Variants in CSMD3 observed in about 807,000 individuals in gnomAD.
CSMD3 encodes CUB and sushi domain-containing protein 3.
Under a neutral mutation model 435.2 loss-of-function variants are expected in CSMD3, and 177 were observed. The ratio of observed to expected loss-of-function variants is 0.41; its 90% confidence interval spans 0.36 to 0.46. The LOEUF is 0.46. Ranked by LOEUF, CSMD3 falls within the 20% of genes least tolerant of loss-of-function variation. CSMD3 has a pLI of 0.34. For missense variants in CSMD3, 4,265 were observed against 4,504.6 expected (o/e 0.95, Z 1.52); for synonymous variants, 1,656 against 1,520.5 (o/e 1.09, Z -2.07).
At chr8:113,226,332 A>C (rs10107307) in intron 3 of CSMD3, among the ~76,000 whole-genome samples, 3,573 of 151,636 alleles carry the variant, frequency 0.024, 154 homozygotes, top group African/African-American at 0.082. Flanking sequence ...CAAATATTAA[A>C]ATCTGCTATG....
intron 63 of CSMD3, among the ~76,000 whole-genome samples, chr8:112,250,333 A>C (rs1815149781): frequency 6.6e-6 from 1 of 151,824 alleles, no homozygotes; most frequent in Admixed American, 6.6e-5. Context: ...GTGTATCACC[A>C]ACACATCTAA....
At position 112,736,201 on chromosome 8, in the gene CSMD3, TA is replaced by T. The variant is rs368780298; in HGVS notation, c.1973-46152del. On this transcript the variant is annotated intron_variant, in intron 13 of 70. Coordinates refer to ENST00000297405, the MANE Select transcript of CSMD3 (RefSeq NM_198123.2). The stretch of plus-strand genomic sequence containing the variant: ...TTCCTTGTCATTGATGGACTTTCAT[TA>T]GGCCCTCAAGTTTCCCCCGTGTATT... 5.2e-3 allele frequency among the ~76,000 whole-genome samples: 789 copies of T among 152,192 alleles called. 8 individuals are homozygous for T. Among genetic ancestry groups the T allele is most frequent in the African/African-American group, 0.017 (708 of 41,558 alleles).
intron 7 of CSMD3, among the ~76,000 whole-genome samples, chr8:112,963,789 A>C (rs1326420964): frequency 6.6e-6 from 1 of 151,990 alleles, no homozygotes; most frequent in Non-Finnish European, 1.5e-5. Flanking sequence ...ACTTTTGTAT[A>C]ACTTATACAT....
intron 63 of CSMD3, among the ~76,000 whole-genome samples, 187 bp from the exon 64 acceptor site, chr8:112,247,318 T>A (rs1257864491): frequency 6.6e-6 from 1 of 152,168 alleles, no homozygotes; most frequent in African/African-American, 2.4e-5. Context: ...AATCCTGGCT[T>A]TATTTGTTTA....
intron 5 of CSMD3, among the ~76,000 whole-genome samples, chr8:113,085,942 A>T (rs2089751532): frequency 6.6e-6 from 1 of 152,174 alleles, no homozygotes; most frequent in Non-Finnish European, 1.5e-5. Flanking sequence ...TGTTCCCAAT[A>T]AAAAGAGCCA....
intron 1 of CSMD3, among the ~76,000 whole-genome samples, chr8:113,400,898 A>C (rs1383571657): frequency 2.0e-5 from 3 of 151,822 alleles, no homozygotes; most frequent in Admixed American, 6.6e-5. Context: ...TATAATTATT[A>C]AGTTTGATTG....
At chr8:112,470,922 A>G (rs1191277371) in intron 32 of CSMD3, among the ~76,000 whole-genome samples, 1 of 151,854 alleles carries the variant, frequency 6.6e-6, no homozygotes, top group Non-Finnish European at 1.5e-5. Flanking sequence ...CATTTAAAAA[A>G]AACAGTTTTA....
intron 1 of CSMD3, among the ~76,000 whole-genome samples, chr8:113,338,754 T>C (rs1447426096): frequency 6.6e-6 from 1 of 151,852 alleles, no homozygotes; most frequent in Non-Finnish European, 1.5e-5. Flanking sequence ...GGAGTGTGAT[T>C]GATAATAGGG....
intron 11 of CSMD3, among the ~76,000 whole-genome samples, chr8:112,837,033 T>G (rs926791806): frequency 3.3e-5 from 5 of 151,842 alleles, no homozygotes; most frequent in African/African-American, 1.2e-4. Context: ...CCTCATATCA[T>G]GTTGTTATAA....
At chr8:113,304,909 TATAATA>T (rs1563676271) in intron 2 of CSMD3, among the ~76,000 whole-genome samples, 2 of 44,406 alleles carry the variant, frequency 4.5e-5, no homozygotes, top group East Asian at 9.0e-4. Context: ...AAACTTAAAG[TATAATA>T]AAAAAAAAAA....
chr8:113,264,033 T>A (rs867929529), intron 3 of CSMD3, among the ~76,000 whole-genome samples: 20 of 151,408 alleles, frequency 1.3e-4, no homozygotes, highest in African/African-American at 4.1e-4. Flanking sequence ...TAAAATGATA[T>A]AGTAAAAAGA....
At chr8:113,363,307 T>C (rs2094289886) in intron 1 of CSMD3, among the ~76,000 whole-genome samples, 1 of 152,228 alleles carries the variant, frequency 6.6e-6, no homozygotes. Context: ...TATTTCAAAG[T>C]CCTTTATCAG....
At chr8:112,293,838 AT>A (rs1820005593) in intron 54 of CSMD3, among the ~76,000 whole-genome samples, 1 of 152,100 alleles carries the variant, frequency 6.6e-6, no homozygotes, top group Admixed American at 6.6e-5. Flanking sequence ...AAGAGCAATT[AT>A]TTTTCAGCTG....
intron 9 of CSMD3, among the ~76,000 whole-genome samples, chr8:112,935,521 A>AT (rs2083253964): frequency 6.6e-6 from 1 of 152,082 alleles, no homozygotes; most frequent in South Asian, 2.1e-4. Context: ...TTTCATGAGC[A>AT]TGGGATATCT....
intron 59 of CSMD3, among the ~76,000 whole-genome samples, chr8:112,273,158 A>G (rs1444160595): frequency 1.3e-5 from 2 of 152,214 alleles, no homozygotes; most frequent in East Asian, 1.9e-4. Context: ...TAAAAATGTC[A>G]ATGTAATTTT....
intron 57 of CSMD3, among the ~76,000 whole-genome samples, chr8:112,288,365 T>C (rs887959128): frequency 6.6e-6 from 1 of 152,060 alleles, no homozygotes; most frequent in Non-Finnish European, 1.5e-5. Flanking sequence ...TTAATTCTCA[T>C]AAAATCAATT....
rs887804680 is a variant in CSMD3, at chr8:112,707,491, G to C, written c.1973-17441C>G. ...TAGTGGTGGTGGTGCGGCGGGAGGG[G>C]GGTGGTTCCTAGATGAATGGGACTA... On this transcript the variant is annotated intron_variant, in intron 13 of 70. Coordinates refer to ENST00000297405, the MANE Select transcript of CSMD3 (RefSeq NM_198123.2). Among the ~76,000 whole-genome samples the C allele has an allele frequency of 4.6e-5, 7 of 151,368 alleles. 2 individuals are homozygous for C. The highest frequency in any genetic ancestry group is 1.9e-4 in the East Asian group (1 of 5,138).
intron 13 of CSMD3, among the ~76,000 whole-genome samples, chr8:112,694,135 T>C (rs1406680237): frequency 6.6e-6 from 1 of 152,012 alleles, no homozygotes; most frequent in Non-Finnish European, 1.5e-5. Flanking sequence ...AAATATTTTC[T>C]TATTGCTCTT....
intron 1 of CSMD3, among the ~76,000 whole-genome samples, chr8:113,380,540 A>G (rs2094410612): frequency 6.6e-6 from 1 of 152,170 alleles, no homozygotes; most frequent in Non-Finnish European, 1.5e-5. Flanking sequence ...TGTTTCCACA[A>G]CTTGCAGATA....
Sources: gnomAD v4.1 joint callset for allele counts (sites outside exome capture counted in the v4.1 genomes callset) on GRCh38, gnomAD v4.1.1 for gene constraint, MANE v1.5 for transcripts, NCBI Gene and HGNC (gene_info 2026-07-23, HGNC 2026-07-21) for gene names.